Variants in MAEA observed in about 807,000 individuals in gnomAD.
The protein encoded by MAEA is macrophage erythroblast attacher, E3 ubiquitin ligase, also known as E3 ubiquitin-protein transferase MAEA.
Under a neutral mutation model 46.2 loss-of-function variants are expected in MAEA, and 22 were observed. The observed-to-expected ratio is 0.48, with a 90% CI of 0.34 to 0.68. MAEA has a LOEUF of 0.68. Among genes scored for constraint, MAEA ranks in the 30% least tolerant of loss-of-function variants. The pLI is 0.01. For synonymous variants in MAEA, 246 were observed against 222.6 expected, an observed-to-expected ratio of 1.11 and a Z score of -0.94; for missense variants, 393 against 558.1, an observed-to-expected ratio of 0.70 and a Z score of 2.98.
In MAEA at chr4:1,332,853, C is replaced by T. The variant is rs764837001; in HGVS notation, c.753C>T (p.Ile251=). 5.0e-6 allele frequency: 8 copies of T among 1,612,526 alleles called. No individual in the cohort carries two copies. The highest frequency in any genetic ancestry group is 5.9e-6 in the Non-Finnish European group (7 of 1,179,418). Residue 251 remains isoleucine, a synonymous_variant, in exon 6 of 9, where the codon ATC becomes ATT. Coordinates refer to ENST00000303400, the MANE Select transcript of MAEA (RefSeq NM_001017405.3). The part of the protein sequence containing the change: ...GMLAFPPDTH[I]SPYKDLLDPA... ...TGGCCTTCCCGCCCGACACGCACAT[C>T]TCCCCGTACAAGGTAGGGCGTGCGT...
At chr4:1,330,245 C>T (rs1469218015) in intron 5 of MAEA, 8 of 602,586 alleles carry the variant, frequency 1.3e-5, no homozygotes, top group Non-Finnish European at 1.2e-5. Context: ...AGCTCCGTGC[C>T]GTCTGTCGCA....
Position 1,311,656 on chromosome 4 carries a change from C to T in MAEA, c.70-323C>T, listed in dbSNP as rs994748070. On this transcript the variant is annotated intron_variant, in intron 1 of 8. Coordinates refer to ENST00000303400, the MANE Select transcript of MAEA (RefSeq NM_001017405.3). The surrounding 1 kb of genome is among the most constrained non-coding windows in gnomAD (Gnocchi z 4.4). ...TTTTACCGTCTGATAGCCTCACACC[C>T]CGGTCACTCCTCTCCTGTTTGGAAA... is the stretch of plus-strand genomic sequence containing the variant. Among the ~76,000 whole-genome samples the T allele has an allele frequency of 1.3e-5, 2 of 152,294 alleles. No individual in the cohort carries two copies. The highest frequency in any genetic ancestry group is 2.1e-4 in the South Asian group (1 of 4,822).
rs1231162690 is a variant in MAEA at position 1,321,365 on chromosome 4, G to A, written c.457-1016G>A. ...GAAGGGGTTTCAGAAACGAGAAACC[G>A]TTAAAGAAAAGATGCAAGGAAACAA... On this transcript the variant is annotated intron_variant, in intron 3 of 8. Coordinates refer to ENST00000303400, the MANE Select transcript of MAEA (RefSeq NM_001017405.3). 2.6e-5 allele frequency among the ~76,000 whole-genome samples: 4 copies of A among 151,278 alleles called. No individual in the cohort carries two copies. In the South Asian group the frequency reaches 6.3e-4, roughly 24 times the overall value.
In MAEA at chr4:1,327,696, G is replaced by T; in HGVS notation, c.649G>T (p.Ala217Ser). ...CATCCGGCAGAATAAGAGACTGGAC[G>T]CTGTGAGGTAGGCATTGCGGACGTG... ...ELIRQNKRLDAVRHARKHFSQ... is the reference protein window; with the variant it reads ...ELIRQNKRLDSVRHARKHFSQ... The change falls in exon 5 of 9, where the codon GCT becomes TCT. Residue 217 changes from alanine to serine, a missense_variant. Physicochemically the swap from Ala to Ser is moderately conservative, Grantham distance 99. Coordinates refer to ENST00000303400, the MANE Select transcript of MAEA (RefSeq NM_001017405.3). The T allele has an allele frequency of 6.2e-7, 1 of 1,613,664 alleles. No homozygotes were observed. Among genetic ancestry groups the T allele is most frequent in the Non-Finnish European group, 8.5e-7 (1 of 1,179,858 alleles).
chr4:1,297,911 G>A (rs775052281), intron 1 of MAEA: 83 of 441,588 alleles, frequency 1.9e-4, no homozygotes, highest in Middle Eastern at 1.7e-3. Context: ...CACCCCTCGC[G>A]ATGTAGCCCC....
intron 1 of MAEA, among the ~76,000 whole-genome samples, chr4:1,301,514 T>C (rs750474986): frequency 3.7e-4 from 57 of 152,194 alleles, no homozygotes; most frequent in Non-Finnish European, 6.3e-4. Flanking sequence ...TTCTTTGGTA[T>C]AACCAGAAAA....
intron 1 of MAEA, chr4:1,309,700 C>A (rs1156868137): frequency 6.5e-7 from 1 of 1,528,874 alleles, no homozygotes; most frequent in African/African-American, 1.4e-5. Context: ...GTTGTGAAGA[C>A]ACCGTGGCCC....
chr4:1,303,085 A>G (rs1319363449), intron 1 of MAEA, among the ~76,000 whole-genome samples: 2 of 150,858 alleles, frequency 1.3e-5, no homozygotes, highest in African/African-American at 2.4e-5. Context: ...ACCAGTAGAA[A>G]CTCTTAAGAA....
chr4:1,301,137 C>T (rs1020160339), intron 1 of MAEA, among the ~76,000 whole-genome samples: 3 of 152,224 alleles, frequency 2.0e-5, no homozygotes, highest in Non-Finnish European at 4.4e-5. Flanking sequence ...TCTTCCTTCC[C>T]GTGCTGGTGA....
Position 1,339,149 on chromosome 4 carries a change from G to A in MAEA, c.1171G>A (p.Glu391Lys), listed in dbSNP as rs1433344564. 4.3e-6 allele frequency: 7 copies of A among 1,613,940 alleles called. No individual in the cohort carries two copies. The highest frequency in any genetic ancestry group is 2.2e-5 in the South Asian group (2 of 91,080). The stretch of plus-strand genomic sequence containing the variant: ...AGAAGTCTTCCACTTCTCACAAGCC[G>A]AGAAGGTGTACATCATGTAGGCCCC... ...TKEVFHFSQA[E>K]KVYIM is the part of the protein sequence containing the mutation. Residue 391 changes from glutamate to lysine, a missense_variant, in exon 9 of 9, where the codon GAG (glutamate) becomes AAG (lysine). By Grantham distance (56) the Glu-to-Lys change is moderately conservative. Around this residue, in one of 2 missense-constraint regions of MAEA, gnomAD observed 358 missense variants for 537.9 expected, o/e 0.67. Coordinates refer to ENST00000303400, the MANE Select transcript of MAEA (RefSeq NM_001017405.3).
At chr4:1,298,311 G>A (rs1734970791) in intron 1 of MAEA, among the ~76,000 whole-genome samples, 1 of 142,798 alleles carries the variant, frequency 7.0e-6, no homozygotes, top group Admixed American at 7.2e-5. Context: ...CCCCATCCCT[G>A]TGACCTGAAG....
intron 1 of MAEA, among the ~76,000 whole-genome samples, chr4:1,299,144 G>A (rs1735070281): frequency 6.6e-6 from 1 of 152,166 alleles, no homozygotes; most frequent in African/African-American, 2.4e-5. Flanking sequence ...GTCCAAAAGT[G>A]TTGGAATAAC....
chr4:1,311,562 G>C lies in MAEA; in HGVS notation c.70-417G>C, dbSNP rs749827721. Among the ~76,000 whole-genome samples, 34 of 152,274 alleles carry C rather than the reference G, an allele frequency of 2.2e-4. No individual in the cohort carries two copies. Among genetic ancestry groups the C allele is most frequent in the Admixed American group, 4.6e-4 (7 of 15,304 alleles). The stretch of plus-strand genomic sequence containing the variant: ...CCACGCCCCATGCACCCTTGTCCCT[G>C]CCCGGCCTGGCCTCGTGTGGTGGCG... On this transcript the variant is annotated intron_variant, in intron 1 of 8. Transcript: ENST00000303400. The surrounding 1 kb of genome is among the most constrained non-coding windows in gnomAD (Gnocchi z 4.4).
intron 4 of MAEA, among the ~76,000 whole-genome samples, chr4:1,326,144 TG>T (rs1275267477): frequency 3.9e-5 from 6 of 152,008 alleles, no homozygotes; most frequent in African/African-American, 1.5e-4. Flanking sequence ...GCAGGCGGGG[TG>T]GGCTGGAGCA....
chr4:1,299,697 A>C (rs996731470), intron 1 of MAEA: 14 of 152,318 alleles, frequency 9.2e-5, no homozygotes, highest in African/African-American at 3.1e-4. Context: ...CTCCTTCCAC[A>C]GATGTCCATG....
At chr4:1,316,877 C>A (rs377010938) in intron 3 of MAEA, among the ~76,000 whole-genome samples, 9 of 152,058 alleles carry the variant, frequency 5.9e-5, no homozygotes, top group African/African-American at 2.2e-4. Context: ...ACACTCCTGT[C>A]ACGCTCCTGC....
chr4:1,302,457 T>C (rs562132692), intron 1 of MAEA, among the ~76,000 whole-genome samples: 2 of 152,344 alleles, frequency 1.3e-5, no homozygotes, highest in African/African-American at 4.8e-5. Flanking sequence ...ACTCTTCTAG[T>C]TCATTAATAC....
chr4:1,332,859 G>GT lies in MAEA; in HGVS notation c.760dup (p.Tyr254LeufsTer60). On this transcript the variant is annotated frameshift_variant, in exon 6 of 9. Coordinates refer to ENST00000303400, the MANE Select transcript of MAEA (RefSeq NM_001017405.3). LOFTEE classifies it high-confidence loss of function. ...TCCCGCCCGACACGCACATCTCCCC[G>GT]TACAAGGTAGGGCGTGCGTCCCTGG... is the stretch of plus-strand genomic sequence containing the variant. The GT allele has an allele frequency of 6.2e-7, 1 of 1,610,952 alleles. No individual in the cohort carries two copies. The highest frequency in any genetic ancestry group is 8.5e-7 in the Non-Finnish European group (1 of 1,178,318).
chr4:1,334,122 C>T (rs1371788377), intron 6 of MAEA, among the ~76,000 whole-genome samples: 1 of 43,694 alleles, frequency 2.3e-5, no homozygotes, highest in African/African-American at 1.0e-4. Flanking sequence ...ACCCCCATGC[C>T]CACCCCATGC....
Sources: allele counts gnomAD v4.1 joint callset (sites outside exome capture counted in the v4.1 genomes callset), GRCh38; gene constraint gnomAD v4.1.1; regional missense constraint gnomAD v4.1.1; non-coding constraint Gnocchi (gnomAD v3.1); transcripts MANE v1.5; gene names NCBI Gene and HGNC (gene_info 2026-07-23, HGNC 2026-07-21).